The following PAX8 variants were observed in gnomAD, a reference collection of about 807,000 sequenced individuals.
PAX8 encodes paired box 8, also known as paired box protein Pax-8.
Under a neutral mutation model 52.4 loss-of-function variants are expected in PAX8, and 15 were observed. The ratio of observed to expected loss-of-function variants is 0.29; its 90% confidence interval spans 0.19 to 0.44. The LOEUF (loss-of-function observed/expected upper bound fraction) is 0.44, where lower values mean the gene tolerates loss of function less well. Ranked by LOEUF, PAX8 falls within the 20% of genes least tolerant of loss-of-function variation. The pLI, the probability that PAX8 is intolerant of heterozygous loss-of-function variation, is 1.00. For synonymous variants in PAX8, 284 were observed against 249.7 expected, an observed-to-expected ratio of 1.14 and a Z score of -1.29; for missense variants, 554 against 602.5, an observed-to-expected ratio of 0.92 and a Z score of 0.84.
rs146405199 is a variant in PAX8 at position 113,248,002 on chromosome 2, G to A, written c.26-1083C>T. ...TCCTGAGGAGGTCTAAGCTGAGACT[G>A]AAGATAAACAGGTACTAGCCAAGTG... is the stretch of plus-strand genomic sequence containing the variant. On this transcript the variant is annotated intron_variant, in intron 2 of 11. Coordinates refer to ENST00000429538, the MANE Select transcript of PAX8 (RefSeq NM_003466.4). Among the ~76,000 whole-genome samples, 178 of 152,316 alleles carry A rather than the reference G, an allele frequency of 1.2e-3. 2 individuals are homozygous for A. In the East Asian group the frequency reaches 0.033, roughly 28 times the overall value.
chr2:113,278,784 C>T, intron 1 of PAX8, 47 bp downstream of exon 1: 2 of 922,098 alleles, frequency 2.2e-6, no homozygotes, highest in Non-Finnish European at 2.7e-6. Context: ...CTTCCATCCC[C>T]CGTCCTCACT....
At chr2:113,261,090 T>C (rs985613866) in intron 2 of PAX8, among the ~76,000 whole-genome samples, 1 of 152,064 alleles carries the variant, frequency 6.6e-6, no homozygotes, top group Non-Finnish European at 1.5e-5. Flanking sequence ...GCAGGCACCA[T>C]GGCGAAGGAG....
intron 2 of PAX8, among the ~76,000 whole-genome samples, chr2:113,249,426 T>C (rs1172311707): frequency 6.6e-6 from 1 of 152,154 alleles, no homozygotes; most frequent in Non-Finnish European, 1.5e-5. Context: ...TTTCCAGAAG[T>C]TTCCGGGCCG....
chr2:113,231,460 G>C (rs1301667315), intron 9 of PAX8, among the ~76,000 whole-genome samples: 1 of 152,206 alleles, frequency 6.6e-6, no homozygotes, highest in Non-Finnish European at 1.5e-5. Context: ...GATGAGCTGA[G>C]ACTCAGAAGG....
Position 113,244,624 on chromosome 2 carries a change from C to T in PAX8, c.192G>A (p.Arg64=). 1 of 1,613,920 alleles carries T rather than the reference C, an allele frequency of 6.2e-7. No homozygotes were observed. The highest frequency in any genetic ancestry group is 8.5e-7 in the Non-Finnish European group (1 of 1,179,826). Residue 64 remains arginine (R), a splice_region_variant and synonymous_variant, in exon 4 of 12, where the codon AGG becomes AGA. Coordinates refer to ENST00000429538, the MANE Select transcript of PAX8 (RefSeq NM_003466.4). ...GCCGGATGCTGCCAGTCTCGTAGTA[C>T]CTACTCCAATAGAGAATCCCAAAGA... ...SHGCVSKILG[R]YYETGSIRPG...
chr2:113,224,918 T>C (rs879425157), intron 10 of PAX8, among the ~76,000 whole-genome samples: 1 of 152,096 alleles, frequency 6.6e-6, no homozygotes, highest in Admixed American at 6.5e-5. Flanking sequence ...AAGGGAAATC[T>C]GTCCTAGCCC....
intron 9 of PAX8, among the ~76,000 whole-genome samples, chr2:113,232,661 C>G (rs572251798): frequency 6.6e-6 from 1 of 152,280 alleles, no homozygotes; most frequent in South Asian, 2.1e-4. Context: ...GGCGTCACCT[C>G]TGATTGACTG....
intron 6 of PAX8, 95 bp from the exon 7 acceptor site, chr2:113,241,821 G>A: frequency 1.3e-6 from 2 of 1,527,978 alleles, no homozygotes; most frequent in Non-Finnish European, 1.8e-6. Flanking sequence ...GACTCACTGT[G>A]GAGGGAGAAA....
intron 2 of PAX8, among the ~76,000 whole-genome samples, chr2:113,256,419 T>G (rs928380458): frequency 1.6e-4 from 24 of 152,280 alleles, no homozygotes; most frequent in Admixed American, 1.2e-3. Context: ...CTGGGAGAGC[T>G]GAGAGCTGGA....
At chr2:113,254,129 T>G (rs181567337) in intron 2 of PAX8, among the ~76,000 whole-genome samples, 12 of 152,296 alleles carry the variant, frequency 7.9e-5, no homozygotes, top group Admixed American at 2.6e-4. Flanking sequence ...CTCCTAAATA[T>G]TTACCTAACC....
intron 9 of PAX8, among the ~76,000 whole-genome samples, chr2:113,235,136 C>T (rs1294833939): frequency 2.0e-5 from 3 of 152,244 alleles, no homozygotes; most frequent in East Asian, 3.8e-4. Flanking sequence ...ACCCGGCTCC[C>T]GGCCTTAGGG....
chr2:113,246,385 G>A (rs1226607338), intron 3 of PAX8, among the ~76,000 whole-genome samples: 1 of 152,122 alleles, frequency 6.6e-6, no homozygotes, highest in Non-Finnish European at 1.5e-5. Flanking sequence ...TCATCTGTGT[G>A]TCCCCTCCCT....
chr2:113,252,997 C>T lies in PAX8; in HGVS notation c.26-6078G>A, dbSNP rs763096576. Among the ~76,000 whole-genome samples, 3 of 152,330 alleles carry T rather than the reference C, an allele frequency of 2.0e-5. No homozygotes were observed. In the East Asian group the frequency reaches 5.8e-4, roughly 29 times the overall value. On this transcript the variant is annotated intron_variant, in intron 2 of 11. Coordinates refer to ENST00000429538, the MANE Select transcript of PAX8 (RefSeq NM_003466.4). ...TGCAGCCCATTCCTCCCTTCACATT[C>T]GGTGCTCAGCCTGCTCTGTGCCTCC...
At chr2:113,256,580 A>G (rs1692266104) in intron 2 of PAX8, among the ~76,000 whole-genome samples, 1 of 151,718 alleles carries the variant, frequency 6.6e-6, no homozygotes, top group South Asian at 2.1e-4. Context: ...CTATATATAT[A>G]TACATATTCC....
At chr2:113,221,770 T>C (rs974568514) in intron 10 of PAX8, among the ~76,000 whole-genome samples, 2 of 152,088 alleles carry the variant, frequency 1.3e-5, no homozygotes, top group African/African-American at 2.4e-5. Flanking sequence ...CAAGTAGGCA[T>C]TTATACAGGA....
intron 9 of PAX8, among the ~76,000 whole-genome samples, chr2:113,231,400 C>T (rs555878675): frequency 6.6e-6 from 1 of 152,362 alleles, no homozygotes; most frequent in East Asian, 1.9e-4. Context: ...GTTAGGGGCA[C>T]TCTTGCTATT....
chr2:113,245,450 G>T (rs963350203), intron 3 of PAX8, among the ~76,000 whole-genome samples: 2 of 152,138 alleles, frequency 1.3e-5, no homozygotes, highest in African/African-American at 4.8e-5. Flanking sequence ...GTCCAAGCCT[G>T]AGGCATATCC....
chr2:113,248,014 GT>G (rs1691464335), intron 2 of PAX8, among the ~76,000 whole-genome samples: 1 of 152,180 alleles, frequency 6.6e-6, no homozygotes, highest in African/African-American at 2.4e-5. Context: ...AGATAAACAG[GT>G]ACTAGCCAAG....
In PAX8 at chr2:113,278,384, T is replaced by C. The variant is rs1356475693; in HGVS notation, c.11A>G (p.Asn4Ser). 4 of 1,608,822 alleles carry C rather than the reference T, an allele frequency of 2.5e-6. No homozygotes were observed. Among genetic ancestry groups the C allele is most frequent in the Non-Finnish European group, 3.4e-6 (4 of 1,177,550 alleles). The change falls in exon 2 of 12, where the codon AAC becomes AGC. Residue 4 changes from asparagine (N) to serine (S), a missense_variant. By Grantham distance (46) the Asn-to-Ser change is conservative. This residue lies in a region of PAX8 where 109 missense variants were observed against 192.7 expected (regional missense o/e 0.57). Transcript: ENST00000429538. ...CGCGTTCTTACCAGATCTGATGGAG[T>C]TGTGAGGCATCGCCGGGGAGTCGCT... is the stretch of plus-strand genomic sequence containing the variant. The part of the protein sequence containing the change: MPH[N>S]SIRSGHGGLN...
Sources: allele counts gnomAD v4.1 joint callset (sites outside exome capture counted in the v4.1 genomes callset), GRCh38; gene constraint gnomAD v4.1.1; regional missense constraint gnomAD v4.1.1; transcripts MANE v1.5; gene names NCBI Gene and HGNC (gene_info 2026-07-23, HGNC 2026-07-21).